DNAH7: variants seen among roughly 807,000 people sequenced by gnomAD.
DNAH7 encodes the protein axonemal beta dynein heavy chain 7.
DNAH7 carries 397 observed loss-of-function variants against 444.6 expected under a neutral mutation model. That is an observed-to-expected ratio of 0.89 (90% CI 0.82 to 0.97). The LOEUF (loss-of-function observed/expected upper bound fraction) is 0.97, where lower values mean the gene tolerates loss of function less well. DNAH7 is among the 50% of genes least tolerant of loss of function. DNAH7 has a pLI of 0.00. For synonymous variants in DNAH7, 1,636 were observed against 1,624.4 expected (o/e 1.01, Z -0.17); for missense variants, 4,902 against 4,800.8 (o/e 1.02, Z -0.62).
Position 195,872,261 on chromosome 2 carries a change from A to G in DNAH7, c.6622T>C (p.Trp2208Arg). Residue 2208 changes from tryptophan to arginine, a missense_variant, in exon 40 of 65, where the codon TGG becomes CGG. Trp to Arg is a moderately radical substitution (Grantham distance 101). Transcript: ENST00000312428. ...ACAGGAAAATTTACCTCATGAACCCAAAGACGTTTAATCACTTCTGTGGTT... is the reference window on the plus strand; with the variant it reads ...ACAGGAAAATTTACCTCATGAACCCGAAGACGTTTAATCACTTCTGTGGTT... ...TETTEVIKRL[W>R]VHEVLRVYYD... 3.1e-6 allele frequency: 5 copies of G among 1,612,520 alleles called. No homozygotes were observed. Among genetic ancestry groups the G allele is most frequent in the Non-Finnish European group, 4.2e-6 (5 of 1,179,088 alleles).
In DNAH7 at chr2:196,029,185, A is replaced by G. The variant is rs576891592; in HGVS notation, c.399-1138T>C. On this transcript the variant is annotated intron_variant, in intron 5 of 64. Transcript: ENST00000312428. ...ACACAGAAGAGAACTCAGCAGTAAC[A>G]TATTTCAGGAATCAGGAAATCTGGG... 9.2e-5 allele frequency among the ~76,000 whole-genome samples: 14 copies of G among 152,350 alleles called. No individual in the cohort carries two copies. In the South Asian group the frequency reaches 1.0e-3, roughly 11 times the overall value.
chr2:195,830,767 G>C (rs1210584115), intron 48 of DNAH7, among the ~76,000 whole-genome samples: 3 of 152,176 alleles, frequency 2.0e-5, no homozygotes, highest in Non-Finnish European at 2.9e-5. Flanking sequence ...AGTGCTGGCT[G>C]CTCCCAAGTA....
chr2:195,859,251 T>C (rs1699889153), intron 42 of DNAH7, among the ~76,000 whole-genome samples: 1 of 152,186 alleles, frequency 6.6e-6, no homozygotes, highest in Non-Finnish European at 1.5e-5. Context: ...TGTGAAAAAA[T>C]GATTTTAACA....
At chr2:195,839,328 A>T (rs1260992009) in intron 47 of DNAH7, among the ~76,000 whole-genome samples, 2 of 151,856 alleles carry the variant, frequency 1.3e-5, no homozygotes, top group East Asian at 3.8e-4. Context: ...AAAGGAAATT[A>T]AAATTAAAAT....
At chr2:195,981,589 T>C (rs1227815367) in intron 15 of DNAH7, among the ~76,000 whole-genome samples, 1 of 152,052 alleles carries the variant, frequency 6.6e-6, no homozygotes, top group East Asian at 1.9e-4. Flanking sequence ...GTAACCAAAA[T>C]AGCATGGTGC....
In DNAH7 at chr2:196,012,899, G is replaced by T; in HGVS notation, c.877C>A (p.Arg293Ser). The change falls in exon 10 of 65, where the codon CGT becomes AGT. Residue 293 changes from arginine to serine, a missense_variant. Physicochemically the swap from Arg to Ser is moderately radical, Grantham distance 110. Coordinates refer to ENST00000312428, the MANE Select transcript of DNAH7 (RefSeq NM_018897.3). ...TGAAATTCTTTGATATCAACTAAAC[G>T]TAATTTTCTGCAAAAGATAAAAATA... is the stretch of plus-strand genomic sequence containing the variant. ...DLWHTNFKKL[R>S]LVDIKEFHNC... The T allele has an allele frequency of 6.8e-7, 1 of 1,480,752 alleles. No individual in the cohort carries two copies. The highest frequency in any genetic ancestry group is 9.0e-7 in the Non-Finnish European group (1 of 1,114,148). The allele number at this position is 1,480,752 out of a possible 1,614,324, so 91.7% of individuals were successfully genotyped here. A position where few individuals can be genotyped will look rare whatever the true frequency, so the allele number is the denominator to read the frequency against.
At chr2:195,909,436 T>C (rs1574737680) in intron 25 of DNAH7, among the ~76,000 whole-genome samples, 1 of 152,106 alleles carries the variant, frequency 6.6e-6, no homozygotes, top group Admixed American at 6.6e-5. Flanking sequence ...GTATCTCTAA[T>C]TCTACCTTTT....
chr2:195,922,011 T>C, intron 24 of DNAH7, 77 bp downstream of exon 24: 1 of 818,004 alleles, frequency 1.2e-6, no homozygotes, highest in South Asian at 1.6e-5. Context: ...AGAGACAATT[T>C]GGTATTTTTA....
intron 49 of DNAH7, 89 bp from the exon 50 acceptor site, chr2:195,817,918 A>C: frequency 1.1e-6 from 1 of 920,758 alleles, no homozygotes; most frequent in Non-Finnish European, 1.6e-6. Flanking sequence ...CTTAAAATAG[A>C]CTCTATTTAC....
At chr2:195,798,148 T>A (rs1696252994) in intron 55 of DNAH7, among the ~76,000 whole-genome samples, 2 of 151,912 alleles carry the variant, frequency 1.3e-5, no homozygotes, top group Admixed American at 6.6e-5. Context: ...CTTATATCAA[T>A]TTTTTTTGGC....
At position 195,875,713 on chromosome 2, in the gene DNAH7, A is replaced by T. The variant is rs1701012090; in HGVS notation, c.6248T>A (p.Leu2083Gln). Reference protein sequence around the residue: ...YDLKDCSMIKLVDIQIMCAMG... With the variant: ...YDLKDCSMIKQVDIQIMCAMG... ...AGCACACATGATCTGAATGTCCACTAGTTTAATCATGGAACAATCTTTTAG... is the reference window on the plus strand; with the variant it reads ...AGCACACATGATCTGAATGTCCACTTGTTTAATCATGGAACAATCTTTTAG... Residue 2083 changes from leucine to glutamine, a missense_variant, in exon 38 of 65, where the codon CTA becomes CAA. Coordinates refer to ENST00000312428, the MANE Select transcript of DNAH7 (RefSeq NM_018897.3). 1.2e-6 allele frequency: 2 copies of T among 1,609,550 alleles called. No homozygotes were observed. The highest frequency in any genetic ancestry group is 1.7e-6 in the Non-Finnish European group (2 of 1,178,550).
intron 61 of DNAH7, among the ~76,000 whole-genome samples, chr2:195,762,427 T>C (rs943083326): frequency 2.0e-5 from 3 of 152,016 alleles, no homozygotes; most frequent in African/African-American, 7.2e-5. Flanking sequence ...TCAAAACACA[T>C]ACAGTGGCTG....
intron 51 of DNAH7, among the ~76,000 whole-genome samples, chr2:195,810,364 A>G (rs115655949): frequency 0.017 from 2,561 of 152,286 alleles, 69 homozygotes; most frequent in African/African-American, 0.058. Context: ...TATTTGCTAG[A>G]GGCAAAACAC....
chr2:195,765,049 A>G (rs116147401), intron 61 of DNAH7, among the ~76,000 whole-genome samples: 2,771 of 152,262 alleles, frequency 0.018, 80 homozygotes, highest in African/African-American at 0.063. Context: ...ACACAGCCCA[A>G]TAGAACAGGA....
intron 63 of DNAH7, among the ~76,000 whole-genome samples, chr2:195,742,882 T>C (rs768733324): frequency 4.6e-5 from 7 of 152,198 alleles, no homozygotes; most frequent in Non-Finnish European, 1.0e-4. Context: ...GTCAACTTGA[T>C]TGGGTTGAAG....
chr2:196,029,250 TTTTGTTTG>T (rs566487971), intron 5 of DNAH7, among the ~76,000 whole-genome samples: 4 of 135,566 alleles, frequency 3.0e-5, no homozygotes, highest in East Asian at 2.2e-4. Flanking sequence ...CCTCAGTAAC[TTTTGTTTG>T]TTTGTTTGTT....
At chr2:195,994,976 C>G in intron 12 of DNAH7, 1 of 264,062 alleles carries the variant, frequency 3.8e-6, no homozygotes. Flanking sequence ...TGTTGCCAGG[C>G]TGGAGTGCAG....
At chr2:196,000,262 T>C (rs16843716) in intron 12 of DNAH7, among the ~76,000 whole-genome samples, 5,426 of 151,888 alleles carry the variant, frequency 0.036, 312 homozygotes, top group African/African-American at 0.12. Context: ...ATAACTACTG[T>C]GGAAATGTCA....
intron 18 of DNAH7, 105 bp downstream of exon 18, chr2:195,960,151 TATTA>T: frequency 1.1e-6 from 1 of 884,686 alleles, no homozygotes; most frequent in Non-Finnish European, 1.6e-6. Flanking sequence ...AGAAATAAAA[TATTA>T]AGTATGAAAT....
Sources: allele counts gnomAD v4.1 joint callset (sites outside exome capture counted in the v4.1 genomes callset), GRCh38; gene constraint gnomAD v4.1.1; transcripts MANE v1.5; gene names NCBI Gene and HGNC (gene_info 2026-07-23, HGNC 2026-07-21).